WWP1: variants seen among roughly 807,000 people sequenced by gnomAD.
The protein encoded by WWP1 is WW domain containing E3 ubiquitin protein ligase 1.
A neutral mutation model predicts 130.6 loss-of-function variants in WWP1; 49 were observed. The ratio of observed to expected loss-of-function variants is 0.38; its 90% CI spans 0.30 to 0.48. The LOEUF (loss-of-function observed/expected upper bound fraction) is 0.48. Among genes scored for constraint, WWP1 ranks in the 20% least tolerant of loss-of-function variants. WWP1 has a pLI of 0.99. For missense variants in WWP1, 809 were observed against 1,100.6 expected, an observed-to-expected ratio of 0.74 and a Z score of 3.75; for synonymous variants, 332 against 367.8, an observed-to-expected ratio of 0.90 and a Z score of 1.11.
At chr8:86,349,798 C>G (rs1386982215) in intron 1 of WWP1, among the ~76,000 whole-genome samples, 1 of 151,604 alleles carries the variant, frequency 6.6e-6, no homozygotes, top group African/African-American at 2.4e-5. Context: ...GTACAGGACC[C>G]AAGAGTCCAT....
intron 9 of WWP1, among the ~76,000 whole-genome samples, chr8:86,423,904 C>T (rs1214288554): frequency 2.8e-5 from 4 of 144,716 alleles, no homozygotes; most frequent in Admixed American, 6.8e-5. Flanking sequence ...GGGGGCTGCC[C>T]CCCACCTCCC....
Position 86,363,226 on chromosome 8 carries a change from C to T in WWP1, c.-114-5713C>T, listed in dbSNP as rs769124513. On this transcript the variant is annotated intron_variant, in intron 1 of 24. Transcript: ENST00000517970. ...AGGAAACAACAACAAAAAAAGCTGA[C>T]TGGTTAATGTCAGGTTACTTTTTTG... is the stretch of plus-strand genomic sequence containing the variant. Among the ~76,000 whole-genome samples the T allele has an allele frequency of 2.6e-5, 4 of 152,078 alleles. No homozygotes were observed. In the East Asian group the frequency reaches 7.7e-4, roughly 29 times the overall value.
rs551785761 is a variant in WWP1 at position 86,378,328 on chromosome 8, AT to A, written c.71-2390del. ...TTCAAATCTAGGAATATATCATATC[AT>A]TTTTTTTAAGCCTTTGTTTCCATTG... On this transcript the variant is annotated intron_variant, in intron 3 of 24. Transcript: ENST00000517970. Among the ~76,000 whole-genome samples the A allele has an allele frequency of 2.0e-3, 300 of 151,958 alleles. 3 individuals carry two copies. Among genetic ancestry groups the A allele is most frequent in the South Asian group, 0.018 (86 of 4,810 alleles).
At chr8:86,461,892 C>T in intron 24 of WWP1, 46 bp downstream of exon 24, 1 of 1,502,016 alleles carries the variant, frequency 6.7e-7, no homozygotes, top group Non-Finnish European at 9.2e-7. Flanking sequence ...CACAGAGAAT[C>T]TTTTGTTTTG....
chr8:86,430,503 C>T (rs1290273419), intron 11 of WWP1, among the ~76,000 whole-genome samples, 194 bp from the exon 12 acceptor site: 1 of 151,878 alleles, frequency 6.6e-6, no homozygotes, highest in Non-Finnish European at 1.5e-5. Context: ...TCTTGAACTC[C>T]TGGGCTTAAG....
intron 1 of WWP1, among the ~76,000 whole-genome samples, chr8:86,362,865 A>G (rs1419484372): frequency 4.6e-5 from 7 of 152,218 alleles, no homozygotes; most frequent in Non-Finnish European, 1.0e-4. Context: ...TTTAGAATTA[A>G]CAGATACAAA....
intron 7 of WWP1, among the ~76,000 whole-genome samples, chr8:86,401,670 A>C (rs1182225977): frequency 1.3e-5 from 2 of 152,142 alleles, no homozygotes; most frequent in Non-Finnish European, 2.9e-5. Flanking sequence ...TATTAGGCTT[A>C]AATATTTAAA....
intron 1 of WWP1, 100 bp downstream of exon 1, chr8:86,343,030 C>A: frequency 3.3e-6 from 1 of 301,076 alleles, no homozygotes. Flanking sequence ...CCGGCGCCGT[C>A]CGCCCCCGGG....
chr8:86,343,059 C>G (rs1043792597), intron 1 of WWP1, 129 bp downstream of exon 1: 1 of 291,018 alleles, frequency 3.4e-6, no homozygotes, highest in East Asian at 5.7e-5. Flanking sequence ...TCCTAGGACC[C>G]GTCGGGGGAC....
In WWP1 at chr8:86,394,538, T is replaced by G. The variant is rs147190562; in HGVS notation, c.335-3804T>G. Among the ~76,000 whole-genome samples the G allele has an allele frequency of 1.7e-3, 254 of 152,296 alleles. 1 individual carries two copies. Among genetic ancestry groups the G allele is most frequent in the African/African-American group, 5.7e-3 (238 of 41,568 alleles). On this transcript the variant is annotated intron_variant, in intron 5 of 24. Transcript: ENST00000517970. ...ACAAAAACATTCTTTTAGTGGTAAG[T>G]GCATTGAAGGAAATGAGCAAAGCAG...
intron 9 of WWP1, among the ~76,000 whole-genome samples, chr8:86,413,804 A>C (rs1808719509): frequency 6.6e-6 from 1 of 152,232 alleles, no homozygotes; most frequent in Admixed American, 6.5e-5. Flanking sequence ...GTTTTTTCTG[A>C]AAACCACGAA....
chr8:86,401,822 C>A (rs530673459), intron 7 of WWP1, among the ~76,000 whole-genome samples, 197 bp from the exon 8 acceptor site: 2 of 151,990 alleles, frequency 1.3e-5, no homozygotes, highest in Non-Finnish European at 2.9e-5. Flanking sequence ...CATGTCATAT[C>A]TTTGTTCATT....
chr8:86,346,992 ATATTTTATTT>A (rs573444888), intron 1 of WWP1, among the ~76,000 whole-genome samples: 21 of 151,974 alleles, frequency 1.4e-4, no homozygotes, highest in Non-Finnish European at 2.1e-4. Flanking sequence ...TAACTGCTTT[ATATTTTATTT>A]TATTTTATTT....
Position 86,435,456 on chromosome 8 carries a change from A to G in WWP1, c.1606A>G (p.Lys536Glu). 2.5e-6 allele frequency: 4 copies of G among 1,614,080 alleles called. No homozygotes were observed. The highest frequency in any genetic ancestry group is 3.4e-6 in the Non-Finnish European group (4 of 1,179,982). ...TTTATTTTTGTTTTTCTTTAGAACT[A>G]AAGGTGGTCCACAAATTGCTTATGA... ...DPRNGKSSVT[K>E]GGPQIAYERG... is the part of the protein sequence containing the mutation. Residue 536 changes from lysine to glutamate, a missense_variant, in exon 15 of 25, where the codon AAA becomes GAA. Coordinates refer to ENST00000517970, the MANE Select transcript of WWP1 (RefSeq NM_007013.4).
intron 1 of WWP1, among the ~76,000 whole-genome samples, chr8:86,362,764 C>A (rs952394558): frequency 6.6e-6 from 1 of 152,128 alleles, no homozygotes; most frequent in African/African-American, 2.4e-5. Context: ...CAATGCTAGA[C>A]AAGATCGAGT....
At chr8:86,444,494 G>A (rs1043337648) in intron 18 of WWP1, among the ~76,000 whole-genome samples, 1 of 152,168 alleles carries the variant, frequency 6.6e-6, no homozygotes, top group African/African-American at 2.4e-5. Flanking sequence ...GGATGAAGAA[G>A]TTGTTCAAGG....
chr8:86,398,242 T>A (rs569905442), intron 5 of WWP1, 100 bp from the exon 6 acceptor site: 1 of 1,323,786 alleles, frequency 7.6e-7, no homozygotes, highest in African/African-American at 1.5e-5. Flanking sequence ...CTTCCAAATG[T>A]CAAGTACTGA....
intron 22 of WWP1, among the ~76,000 whole-genome samples, chr8:86,460,501 A>G (rs899889539): frequency 2.6e-5 from 4 of 152,186 alleles, no homozygotes; most frequent in Admixed American, 2.0e-4. Flanking sequence ...TGAGAACTAA[A>G]TCCATGAAAA....
chr8:86,409,468 T>G (rs963832529), intron 8 of WWP1, among the ~76,000 whole-genome samples: 3 of 150,464 alleles, frequency 2.0e-5, no homozygotes, highest in African/African-American at 7.3e-5. Flanking sequence ...ACTCCTGACC[T>G]CGTGATCCAC....
Sources: gnomAD v4.1 joint callset for allele counts (sites outside exome capture counted in the v4.1 genomes callset) on GRCh38, gnomAD v4.1.1 for gene constraint, MANE v1.5 for transcripts, NCBI Gene and HGNC (gene_info 2026-07-23, HGNC 2026-07-21) for gene names.